Variants in ADCY2 observed in about 807,000 individuals in gnomAD.
ADCY2 encodes adenylate cyclase type 2.
Under a neutral mutation model 125.2 loss-of-function variants are expected in ADCY2, and 31 were observed. That is an observed-to-expected ratio of 0.25 (90% CI 0.19 to 0.33). The LOEUF is 0.33. Ranked by LOEUF, ADCY2 falls within the 10% of genes least tolerant of loss-of-function variation. ADCY2 has a pLI of 1.00. For synonymous variants in ADCY2, 512 were observed against 548.4 expected (o/e 0.93, Z 0.93); for missense variants, 904 against 1,418.2 (o/e 0.64, Z 5.82).
intron 14 of ADCY2, among the ~76,000 whole-genome samples, chr5:7,742,049 C>T (rs956870556): frequency 8.8e-5 from 13 of 147,896 alleles, no homozygotes; most frequent in Admixed American, 4.7e-4. Context: ...AAAAAAAAGA[C>T]GAAATGTTGT....
intron 3 of ADCY2, among the ~76,000 whole-genome samples, chr5:7,588,751 AT>A (rs1201415463): frequency 1.3e-5 from 2 of 152,214 alleles, no homozygotes; most frequent in Non-Finnish European, 2.9e-5. Context: ...TGGGAATTTT[AT>A]TTTAATCATT....
At chr5:7,459,377 G>T (rs184959241) in intron 2 of ADCY2, among the ~76,000 whole-genome samples, 1 of 152,308 alleles carries the variant, frequency 6.6e-6, no homozygotes, top group Non-Finnish European at 1.5e-5. Context: ...GTGTCTTGCG[G>T]TTGCTGTTTC....
chr5:7,399,466 G>C (rs981324519), intron 1 of ADCY2, among the ~76,000 whole-genome samples: 1 of 152,108 alleles, frequency 6.6e-6, no homozygotes, highest in Non-Finnish European at 1.5e-5. Flanking sequence ...TTCAACCTTT[G>C]ATCAATCCTT....
At chr5:7,598,352 G>A (rs1166358383) in intron 3 of ADCY2, among the ~76,000 whole-genome samples, 3 of 152,196 alleles carry the variant, frequency 2.0e-5, no homozygotes, top group Non-Finnish European at 4.4e-5. Flanking sequence ...GAGAAAGCCT[G>A]AGTCCCACCA....
intron 1 of ADCY2, among the ~76,000 whole-genome samples, chr5:7,407,349 T>C (rs1011491059): frequency 7.9e-5 from 12 of 152,082 alleles, no homozygotes; most frequent in African/African-American, 2.9e-4. Context: ...ACTGGGTAAT[T>C]TATCAAGGAA....
intron 2 of ADCY2, among the ~76,000 whole-genome samples, chr5:7,460,600 T>C (rs1741882778): frequency 6.6e-6 from 1 of 152,224 alleles, no homozygotes; most frequent in African/African-American, 2.4e-5. Flanking sequence ...GGTGTGTTTC[T>C]TACAAGCAAT....
chr5:7,571,225 A>T (rs562240220), intron 3 of ADCY2, among the ~76,000 whole-genome samples: 1 of 152,108 alleles, frequency 6.6e-6, no homozygotes, highest in Non-Finnish European at 1.5e-5. Context: ...AAATTCCATG[A>T]TCTATCATCT....
chr5:7,695,710 A>G, intron 5 of ADCY2, 42 bp from the exon 6 acceptor site: 1 of 1,234,054 alleles, frequency 8.1e-7, no homozygotes, highest in Non-Finnish European at 1.1e-6. Flanking sequence ...AAAAATGTAT[A>G]AACTGGAAAA....
chr5:7,792,629 T>G (rs1413394091), intron 20 of ADCY2, among the ~76,000 whole-genome samples: 2 of 152,160 alleles, frequency 1.3e-5, no homozygotes, highest in Non-Finnish European at 1.5e-5. Flanking sequence ...CTCTGCTCTT[T>G]CCTGTTTGCT....
chr5:7,697,876 T>C (rs1740945936), intron 6 of ADCY2, among the ~76,000 whole-genome samples: 1 of 152,200 alleles, frequency 6.6e-6, no homozygotes, highest in African/African-American at 2.4e-5. Flanking sequence ...GTCATCATTT[T>C]CTACTCTGAA....
intron 20 of ADCY2, 24 bp downstream of exon 20, chr5:7,789,824 TGG>T: frequency 5.7e-6 from 1 of 176,508 alleles, no homozygotes. Context: ...GGCTGGGGGC[TGG>T]GGGAGGGGGC....
chr5:7,415,676 AT>A (rs1481756812), intron 2 of ADCY2, among the ~76,000 whole-genome samples: 2 of 152,036 alleles, frequency 1.3e-5, no homozygotes, highest in Admixed American at 1.3e-4. Flanking sequence ...ACATTCATTC[AT>A]TTTGCACCTT....
At chr5:7,761,359 AGGCTGGTCTTGAACT>A (rs1743204900) in intron 16 of ADCY2, among the ~76,000 whole-genome samples, 1 of 152,046 alleles carries the variant, frequency 6.6e-6, no homozygotes, top group Admixed American at 6.6e-5. Context: ...CATGCTGGCC[AGGCTGGTCTTGAACT>A]CCTTACCGCG....
At chr5:7,415,874 C>T (rs915060101) in intron 2 of ADCY2, among the ~76,000 whole-genome samples, 1 of 152,030 alleles carries the variant, frequency 6.6e-6, no homozygotes, top group Non-Finnish European at 1.5e-5. Context: ...GCTTGTCAAC[C>T]GAGACATGGA....
intron 3 of ADCY2, among the ~76,000 whole-genome samples, chr5:7,576,150 C>G (rs543030187): frequency 6.6e-6 from 1 of 152,162 alleles, no homozygotes; most frequent in Non-Finnish European, 1.5e-5. Flanking sequence ...GGAGCGGAGC[C>G]GAAAATGTTT....
At chr5:7,545,321 A>G (rs1735114807) in intron 3 of ADCY2, among the ~76,000 whole-genome samples, 1 of 152,170 alleles carries the variant, frequency 6.6e-6, no homozygotes, top group South Asian at 2.1e-4. Context: ...GTCAGTATCC[A>G]CTAATGTGGT....
chr5:7,559,301 C>T (rs2126585716), intron 3 of ADCY2, among the ~76,000 whole-genome samples: 1 of 152,230 alleles, frequency 6.6e-6, no homozygotes, highest in Admixed American at 6.5e-5. Context: ...TTCTTCCTAT[C>T]CAGAAGCATG....
chr5:7,722,401 G>A (rs115186359), intron 12 of ADCY2, among the ~76,000 whole-genome samples: 399 of 152,160 alleles, frequency 2.6e-3, no homozygotes, highest in African/African-American at 9.3e-3. Context: ...TTTTTTCTCA[G>A]TAAAGGAAAT....
chr5:7,430,086 T>G (rs1234034134), intron 2 of ADCY2, among the ~76,000 whole-genome samples: 1 of 152,166 alleles, frequency 6.6e-6, no homozygotes, highest in Admixed American at 6.5e-5. Context: ...GAGCAACTCT[T>G]TCCATTAAAT....
Sources: allele counts gnomAD v4.1 joint callset (sites outside exome capture counted in the v4.1 genomes callset), GRCh38; gene constraint gnomAD v4.1.1; transcripts MANE v1.5; gene names NCBI Gene and HGNC (gene_info 2026-07-23, HGNC 2026-07-21).